TMEM132D: variants seen among roughly 807,000 people sequenced by gnomAD.
TMEM132D encodes the protein mature OL transmembrane protein.
A neutral mutation model predicts 62.3 loss-of-function variants in TMEM132D; 21 were observed. The ratio of observed to expected loss-of-function variants is 0.34; its 90% CI spans 0.24 to 0.49. The LOEUF (loss-of-function observed/expected upper bound fraction) is 0.49. Among genes scored for constraint, TMEM132D ranks in the 20% least tolerant of loss-of-function variants. The pLI is 0.99. For missense variants in TMEM132D, 1,346 were observed against 1,402.8 expected (o/e 0.96, Z 0.65); for synonymous variants, 621 against 575.6 (o/e 1.08, Z -1.13).
intron 1 of TMEM132D, among the ~76,000 whole-genome samples, chr12:129,883,780 G>C (rs566423773): frequency 4.6e-5 from 7 of 152,046 alleles, no homozygotes; most frequent in Non-Finnish European, 8.8e-5. Context: ...ATGTAAAGTC[G>C]ATTTAAAAGA....
At chr12:129,405,647 G>A (rs575082423) in intron 3 of TMEM132D, among the ~76,000 whole-genome samples, 5 of 152,224 alleles carry the variant, frequency 3.3e-5, no homozygotes, top group African/African-American at 1.2e-4. Context: ...TTTGGGAGCA[G>A]AAGCAGCAGG....
At chr12:129,874,083 C>A (rs559392683) in intron 1 of TMEM132D, among the ~76,000 whole-genome samples, 1 of 152,146 alleles carries the variant, frequency 6.6e-6, no homozygotes, top group African/African-American at 2.4e-5. Context: ...GAAGCACCAA[C>A]GTGCAGCACT....
chr12:129,260,279 T>G (rs9634055), intron 4 of TMEM132D, among the ~76,000 whole-genome samples: 6,798 of 152,088 alleles, frequency 0.045, 339 homozygotes, highest in East Asian at 0.26. Context: ...CTGGATAATA[T>G]GCCCCTGAGA....
intron 1 of TMEM132D, among the ~76,000 whole-genome samples, chr12:129,788,999 G>C (rs1871322302): frequency 6.6e-6 from 1 of 152,166 alleles, no homozygotes; most frequent in Admixed American, 6.5e-5. Flanking sequence ...CAACACGGAG[G>C]ATTTGGGGTT....
intron 4 of TMEM132D, among the ~76,000 whole-genome samples, chr12:129,337,427 ATAGAT>A (rs1293085927): frequency 7.1e-6 from 1 of 140,224 alleles, no homozygotes; most frequent in African/African-American, 2.7e-5. Flanking sequence ...AGATATAGAT[ATAGAT>A]ACACACACGC....
intron 1 of TMEM132D, among the ~76,000 whole-genome samples, chr12:129,754,808 CAA>C (rs2137270187): frequency 6.6e-6 from 1 of 152,240 alleles, no homozygotes; most frequent in Non-Finnish European, 1.5e-5. Flanking sequence ...ACAGTCTAGA[CAA>C]AGACTCAGAG....
chr12:129,860,548 T>C (rs958363247), intron 1 of TMEM132D, among the ~76,000 whole-genome samples: 1 of 152,268 alleles, frequency 6.6e-6, no homozygotes, highest in African/African-American at 2.4e-5. Flanking sequence ...CCTGTGTATA[T>C]GTATGCATAA....
At chr12:129,245,358 A>C (rs1416940608) in intron 4 of TMEM132D, among the ~76,000 whole-genome samples, 1 of 152,192 alleles carries the variant, frequency 6.6e-6, no homozygotes, top group African/African-American at 2.4e-5. Flanking sequence ...TATGACTCTC[A>C]GTGTCTTCCA....
intron 3 of TMEM132D, among the ~76,000 whole-genome samples, chr12:129,418,549 G>A (rs902041333): frequency 2.3e-4 from 35 of 151,994 alleles, no homozygotes; most frequent in African/African-American, 7.2e-4. Flanking sequence ...ATCACACACC[G>A]GGGCCTGTTG....
At chr12:129,294,004 A>G (rs143056151) in intron 4 of TMEM132D, among the ~76,000 whole-genome samples, 54 of 152,302 alleles carry the variant, frequency 3.5e-4, no homozygotes, top group African/African-American at 1.3e-3. Context: ...CATTCCTGAA[A>G]ACGAGCAGCA....
chr12:129,134,065 A>G (rs1876462659), intron 5 of TMEM132D, among the ~76,000 whole-genome samples: 1 of 150,092 alleles, frequency 6.7e-6, no homozygotes, highest in African/African-American at 2.5e-5. Context: ...CCCATAGAGT[A>G]TTGTGTTGTG....
intron 1 of TMEM132D, among the ~76,000 whole-genome samples, chr12:129,774,860 A>T (rs1870867080): frequency 6.6e-6 from 1 of 152,298 alleles, no homozygotes; most frequent in South Asian, 2.1e-4. Flanking sequence ...CGGCAGCATG[A>T]CCTTGGACAC....
intron 2 of TMEM132D, among the ~76,000 whole-genome samples, chr12:129,570,546 C>T (rs1471037626): frequency 1.3e-5 from 2 of 152,178 alleles, no homozygotes; most frequent in Non-Finnish European, 2.9e-5. Context: ...CCTCTGGGAG[C>T]AGGTGTGAAA....
Position 129,146,511 on chromosome 12 carries a change from A to C in TMEM132D, c.1444-61809T>G, listed in dbSNP as rs184024095. Reference sequence around the variant, plus strand: ...TCACATCAACCCTTAATGTCACCCAAATATAATCCACACACACTACACAGT... The same window carrying C: ...TCACATCAACCCTTAATGTCACCCACATATAATCCACACACACTACACAGT... On this transcript the variant is annotated intron_variant, in intron 5 of 8. Transcript: ENST00000422113. Among the ~76,000 whole-genome samples, 452 of 152,290 alleles carry C rather than the reference A, an allele frequency of 3.0e-3. 2 individuals carry two copies. Among genetic ancestry groups the C allele is most frequent in the Middle Eastern group, 0.02 (6 of 294 alleles).
chr12:129,518,731 GCT>G (rs1241078906), intron 3 of TMEM132D, among the ~76,000 whole-genome samples: 2 of 151,874 alleles, frequency 1.3e-5, no homozygotes, highest in African/African-American at 4.8e-5. Flanking sequence ...CATTTTGTCA[GCT>G]CTGTTACATT....
At chr12:129,708,074 G>A (rs112039639) in intron 1 of TMEM132D, among the ~76,000 whole-genome samples, 292 of 152,194 alleles carry the variant, frequency 1.9e-3, no homozygotes, top group African/African-American at 6.8e-3. Context: ...AAGATCAGCT[G>A]GGCGTGGTGG....
At chr12:129,831,403 A>G (rs1342115449) in intron 1 of TMEM132D, among the ~76,000 whole-genome samples, 1 of 152,164 alleles carries the variant, frequency 6.6e-6, no homozygotes, top group Admixed American at 6.5e-5. Context: ...GCGCAATGAT[A>G]TTTTATATAG....
At chr12:129,840,370 G>C (rs1363505290) in intron 1 of TMEM132D, 1 of 152,136 alleles carries the variant, frequency 6.6e-6, no homozygotes, top group Non-Finnish European at 1.5e-5. Context: ...GTCATGCCAA[G>C]TCCCTGGCAC....
chr12:129,792,497 A>T lies in TMEM132D; in HGVS notation c.80-91799T>A, dbSNP rs118110587. Among the ~76,000 whole-genome samples, 10 of 152,308 alleles carry T rather than the reference A, an allele frequency of 6.6e-5. No homozygotes were observed. In the East Asian group the frequency reaches 1.9e-3, roughly 29 times the overall value. On this transcript the variant is annotated intron_variant, in intron 1 of 8. Coordinates refer to ENST00000422113, the MANE Select transcript of TMEM132D (RefSeq NM_133448.3). ...ATTTATTCCATGGATTGTCTCATTC[A>T]TCGTCCGGTACATATTTACCGAAAA...
Sources: gnomAD v4.1 joint callset for allele counts (sites outside exome capture counted in the v4.1 genomes callset) on GRCh38, gnomAD v4.1.1 for gene constraint, MANE v1.5 for transcripts, NCBI Gene and HGNC (gene_info 2026-07-23, HGNC 2026-07-21) for gene names.